RGS6: variants seen among roughly 807,000 people sequenced by gnomAD.
The protein encoded by RGS6 is regulator of G-protein signaling 6.
RGS6 carries 30 observed loss-of-function variants against 78.5 expected under a neutral mutation model. The observed-to-expected ratio is 0.38, with a 90% confidence interval of 0.29 to 0.52. The LOEUF is 0.52. RGS6 is among the 20% of genes least tolerant of loss of function. RGS6 has a pLI of 0.85. For synonymous variants in RGS6, 206 were observed against 206.0 expected (o/e 1.00, Z 0.00); for missense variants, 495 against 609.7 (o/e 0.81, Z 1.98).
chr14:72,324,804 C>T (rs981796580), intron 2 of RGS6, among the ~76,000 whole-genome samples: 15 of 151,906 alleles, frequency 9.9e-5, no homozygotes, highest in African/African-American at 2.4e-4. Context: ...TGAATAGTGC[C>T]GCAATAAACA....
chr14:72,305,839 A>T (rs752520302), intron 2 of RGS6, among the ~76,000 whole-genome samples: 1 of 152,232 alleles, frequency 6.6e-6, no homozygotes, highest in Non-Finnish European at 1.5e-5. Context: ...AAGCTTGGTG[A>T]GGAAAGCATG....
chr14:72,197,969 TTTG>T (rs1226052456), intron 2 of RGS6, among the ~76,000 whole-genome samples: 2 of 152,010 alleles, frequency 1.3e-5, no homozygotes, highest in Non-Finnish European at 2.9e-5. Flanking sequence ...TTATATAATT[TTTG>T]TTATTATATT....
the RGS6 span, among the ~76,000 whole-genome samples, chr14:72,597,873 T>C: frequency 6.6e-6 from 1 of 152,096 alleles, no homozygotes; most frequent in Non-Finnish European, 1.5e-5. Flanking sequence ...AGAAAGGAGC[T>C]GAGAAGAGAG....
intron 2 of RGS6, among the ~76,000 whole-genome samples, chr14:72,136,785 T>C (rs2096450367): frequency 6.6e-6 from 1 of 152,184 alleles, no homozygotes. Context: ...TTTAGGGAAG[T>C]GGTCTTTGAA....
At chr14:72,301,375 A>G (rs79000974) in intron 2 of RGS6, among the ~76,000 whole-genome samples, 7,364 of 152,050 alleles carry the variant, frequency 0.048, 261 homozygotes, top group Non-Finnish European at 0.07. Flanking sequence ...GACATTTCAA[A>G]GCAACGTATC....
At chr14:72,603,227 G>A in the RGS6 span, among the ~76,000 whole-genome samples, 1 of 152,140 alleles carries the variant, frequency 6.6e-6, no homozygotes, top group Non-Finnish European at 1.5e-5. Context: ...ACACAGGGTG[G>A]CCCACTTAGA....
chr14:72,540,489 C>G, intron 17 of RGS6: 1 of 1,525,156 alleles, frequency 6.6e-7, no homozygotes, highest in Non-Finnish European at 8.8e-7. Flanking sequence ...CATAGCTCAT[C>G]GAAAAAAAAA....
chr14:72,319,085 A>G (rs1380952054), intron 2 of RGS6, among the ~76,000 whole-genome samples: 1 of 152,256 alleles, frequency 6.6e-6, no homozygotes, highest in Non-Finnish European at 1.5e-5. Context: ...GAACCAGCAC[A>G]GGATATTGTA....
At position 72,355,235 on chromosome 14, in the gene RGS6, C is replaced by T. The variant is rs371938570; in HGVS notation, c.184+3041C>T. On this transcript the variant is annotated intron_variant, in intron 3 of 17. Transcript: ENST00000553525. ...TTAGACAGAGTCTTGCTCTTGTCAC[C>T]CAGGCTGGAGTGCAGTGGCATGATC... Among the ~76,000 whole-genome samples, 39 of 151,314 alleles carry T rather than the reference C, an allele frequency of 2.6e-4. No individual in the cohort carries two copies. In the East Asian group the frequency reaches 7.0e-3, roughly 27 times the overall value.
chr14:72,311,497 AAAT>A (rs2068601101), intron 2 of RGS6, among the ~76,000 whole-genome samples: 1 of 152,190 alleles, frequency 6.6e-6, no homozygotes, highest in Admixed American at 6.5e-5. Context: ...TAAAAAAAAA[AAAT>A]AATAGGGAAG....
At chr14:72,426,338 G>A (rs1429651354) in intron 3 of RGS6, among the ~76,000 whole-genome samples, 2 of 152,152 alleles carry the variant, frequency 1.3e-5, no homozygotes, top group African/African-American at 4.8e-5. Flanking sequence ...CAAAGTCCAG[G>A]ATGCCACACA....
chr14:72,434,949 C>G (rs948868746), intron 3 of RGS6, among the ~76,000 whole-genome samples: 1 of 152,168 alleles, frequency 6.6e-6, no homozygotes, highest in Non-Finnish European at 1.5e-5. Context: ...TTGCTCATGA[C>G]CTGACTTTAA....
At chr14:72,355,982 A>AG (rs1161183026) in intron 3 of RGS6, among the ~76,000 whole-genome samples, 5 of 152,194 alleles carry the variant, frequency 3.3e-5, no homozygotes, top group Non-Finnish European at 2.9e-5. Context: ...TTGATCACTT[A>AG]GCCTCTTATC....
chr14:72,325,276 G>A (rs2073400514), intron 2 of RGS6, among the ~76,000 whole-genome samples: 1 of 152,156 alleles, frequency 6.6e-6, no homozygotes. Flanking sequence ...TGGGTACATT[G>A]CAAACGTTTT....
At chr14:71,993,934 T>G (rs61131218) in intron 2 of RGS6, among the ~76,000 whole-genome samples, 5,816 of 151,722 alleles carry the variant, frequency 0.038, 362 homozygotes, top group African/African-American at 0.13. Flanking sequence ...AAGGAAGAGT[T>G]GGAAGGCATC....
At chr14:72,040,673 T>A (rs904682693) in intron 2 of RGS6, among the ~76,000 whole-genome samples, 3 of 152,296 alleles carry the variant, frequency 2.0e-5, no homozygotes, top group African/African-American at 7.2e-5. Flanking sequence ...TTGGGAAGTT[T>A]TCAGTCATTA....
chr14:72,085,852 TCAA>T (rs2095014701), intron 2 of RGS6, among the ~76,000 whole-genome samples: 1 of 12,490 alleles, frequency 8.0e-5, no homozygotes, highest in African/African-American at 2.5e-4. Flanking sequence ...AGACACCATC[TCAA>T]AAAAAAAAAA....
At chr14:72,423,939 G>A (rs1235778089) in intron 3 of RGS6, among the ~76,000 whole-genome samples, 1 of 152,196 alleles carries the variant, frequency 6.6e-6, no homozygotes, top group Non-Finnish European at 1.5e-5. Context: ...TTCTCATCCA[G>A]TCATTCATTC....
intron 12 of RGS6, among the ~76,000 whole-genome samples, chr14:72,480,774 C>G (rs1284872272): frequency 3.3e-5 from 5 of 152,186 alleles, no homozygotes; most frequent in Non-Finnish European, 7.3e-5. Flanking sequence ...TCCACATCCA[C>G]ATCCCCATCC....
Sources: allele counts gnomAD v4.1 joint callset (sites outside exome capture counted in the v4.1 genomes callset), GRCh38; gene constraint gnomAD v4.1.1; transcripts MANE v1.5; gene names NCBI Gene and HGNC (gene_info 2026-07-23, HGNC 2026-07-21).